Variants in XPO1 observed in about 807,000 individuals in gnomAD.
XPO1 encodes the protein exportin 1.
A neutral mutation model predicts 133.3 loss-of-function variants in XPO1; 5 were observed. The ratio of observed to expected loss-of-function variants is 0.04; its 90% CI spans 0.02 to 0.08. The LOEUF is 0.08. Among genes scored for constraint, XPO1 ranks in the 10% least tolerant of loss-of-function variants. The probability of loss-of-function intolerance (pLI) is 1.00; values close to 1 mark genes in which losing one functional copy is unlikely to be tolerated. For missense variants in XPO1, 506 were observed against 1,267.5 expected (o/e 0.40, Z 9.12); for synonymous variants, 419 against 408.2 (o/e 1.03, Z -0.32).
chr2:61,506,023 G>A (rs1697792757), intron 4 of XPO1, among the ~76,000 whole-genome samples: 1 of 152,142 alleles, frequency 6.6e-6, no homozygotes. Flanking sequence ...AACTGTGATT[G>A]CCTAGTACAA....
Position 61,492,955 on chromosome 2 carries a change from T to C in XPO1, c.1344A>G (p.Thr448=). 6.2e-7 allele frequency: 1 copy of C among 1,610,340 alleles called. No homozygotes were observed. Among genetic ancestry groups the C allele is most frequent in the Non-Finnish European group, 8.5e-7 (1 of 1,178,892 alleles). Residue 448 remains threonine (T), a synonymous_variant, in exon 13 of 25, where the codon ACA becomes ACG. Transcript: ENST00000401558. This position sits in a 1 kb window ranked among gnomAD's most constrained non-coding sequence, Gnocchi z 5.6. ...TATTCTTATACAAATTTATGGAATC[T>C]GTATCCTTCATGAATTCTCTCACAA... is the stretch of plus-strand genomic sequence containing the variant. ...GEVVREFMKD[T]DSINLYKNMR...
chr2:61,533,738 CATA>C (rs778149194), intron 2 of XPO1, 31 bp downstream of exon 2: 5 of 1,542,456 alleles, frequency 3.2e-6, no homozygotes, highest in South Asian at 1.3e-5. Context: ...GTTACACTGT[CATA>C]ATGTTATAAA....
intron 4 of XPO1, among the ~76,000 whole-genome samples, chr2:61,510,599 T>G (rs1297504461): frequency 6.6e-6 from 1 of 152,130 alleles, no homozygotes; most frequent in South Asian, 2.1e-4. Context: ...TCTAAAAGAT[T>G]AAAATTTTAT....
At chr2:61,482,618 T>C in intron 22 of XPO1, 79 bp from the exon 23 acceptor site, 1 of 1,318,958 alleles carries the variant, frequency 7.6e-7, no homozygotes, top group Non-Finnish European at 1.0e-6. Flanking sequence ...TTTTGTTTTT[T>C]TTTTTTAGAC....
At chr2:61,506,852 T>C (rs925228475) in intron 4 of XPO1, among the ~76,000 whole-genome samples, 3 of 152,084 alleles carry the variant, frequency 2.0e-5, no homozygotes, top group African/African-American at 4.8e-5. Flanking sequence ...TTAGTGGGTC[T>C]CAGTTGCAAA....
At chr2:61,534,907 T>C (rs1558686303) in intron 1 of XPO1, among the ~76,000 whole-genome samples, 1 of 152,138 alleles carries the variant, frequency 6.6e-6, no homozygotes. Context: ...ACATATTTAC[T>C]GAATATATGA....
intron 11 of XPO1, chr2:61,494,359 C>A (rs761944106): frequency 7.9e-5 from 26 of 329,434 alleles, no homozygotes; most frequent in Non-Finnish European, 1.4e-4. Flanking sequence ...ATTTAAAAGG[C>A]CTTGGGTGCC....
At chr2:61,481,865 A>T (rs937387272) in intron 23 of XPO1, among the ~76,000 whole-genome samples, 3 of 151,710 alleles carry the variant, frequency 2.0e-5, no homozygotes, top group African/African-American at 7.3e-5. Flanking sequence ...CCTCCCAAGT[A>T]GCTGGGATTT....
intron 24 of XPO1, 78 bp from the exon 25 acceptor site, chr2:61,479,044 C>CT: frequency 6.6e-7 from 1 of 1,518,864 alleles, no homozygotes; most frequent in Non-Finnish European, 8.9e-7. Flanking sequence ...GAGCAATTTC[C>CT]TTTTTAGAGA....
rs1558638146 is a variant in XPO1, at chr2:61,491,489, CA to C, written c.1887+545del. ...ACACACACACACACACACACACACACACACACACCCCAAAACAAAACAAAAC... is the reference window on the plus strand; with the variant it reads ...ACACACACACACACACACACACACACCACACACCCCAAAACAAAACAAAAC... On this transcript the variant is annotated intron_variant, in intron 16 of 24. Transcript: ENST00000401558. Among the ~76,000 whole-genome samples the C allele has an allele frequency of 6.2e-4, 94 of 151,250 alleles. 1 individual carries two copies. The highest frequency in any genetic ancestry group is 1.9e-3 in the African/African-American group (78 of 41,264).
chr2:61,512,995 T>A (rs923066493), intron 4 of XPO1, among the ~76,000 whole-genome samples: 1 of 152,108 alleles, frequency 6.6e-6, no homozygotes, highest in African/African-American at 2.4e-5. Context: ...CATGACTCTG[T>A]CTCAAATAAA....
intron 2 of XPO1, among the ~76,000 whole-genome samples, chr2:61,528,310 G>A (rs553658138): frequency 9.2e-5 from 14 of 152,036 alleles, no homozygotes; most frequent in Middle Eastern, 3.4e-3. Flanking sequence ...AGGGTTGTAC[G>A]GCTACCAAAT....
At chr2:61,500,591 A>AAAAAC (rs2104512421) in intron 6 of XPO1, among the ~76,000 whole-genome samples, 1 of 147,180 alleles carries the variant, frequency 6.8e-6, no homozygotes, top group South Asian at 2.1e-4. Context: ...AAAAAAAAAA[A>AAAAAC]AAAAAAAGAG....
At chr2:61,535,332 G>A (rs1372460164) in intron 1 of XPO1, among the ~76,000 whole-genome samples, 1 of 152,114 alleles carries the variant, frequency 6.6e-6, no homozygotes, top group East Asian at 1.9e-4. Flanking sequence ...TACAATTATA[G>A]AGGATTCAGG....
intron 1 of XPO1, 139 bp from the exon 2 acceptor site, chr2:61,534,042 A>G: frequency 1.2e-6 from 1 of 800,340 alleles, no homozygotes; most frequent in Non-Finnish European, 1.7e-6. Context: ...CAGAAAACTG[A>G]GATAGTAAAA....
chr2:61,485,921 G>C lies in XPO1; in HGVS notation c.2355C>G (p.Leu785=), dbSNP rs1402160167. The C allele has an allele frequency of 6.2e-7, 1 of 1,613,882 alleles. No individual in the cohort carries two copies. Among genetic ancestry groups the C allele is most frequent in the East Asian group, 2.2e-5 (1 of 44,858 alleles). ...NFVPPLLDAV[L]IDYQRNVPAA... is the part of the protein sequence containing the mutation. ...CTGGGACATTTCTCTGATAATCAAT[G>C]AGAACTGCATCCAACAGAGGGGGAA... Residue 785 remains leucine, a synonymous_variant, in exon 20 of 25, where the codon CTC becomes CTG. Coordinates refer to ENST00000401558, the MANE Select transcript of XPO1 (RefSeq NM_003400.4).
chr2:61,485,481 C>A lies in XPO1; in HGVS notation c.2508+287G>T, dbSNP rs370552564. The A allele has an allele frequency of 4.8e-5, 8 of 166,992 alleles. 2 individuals carry two copies. Among genetic ancestry groups the A allele is most frequent in the East Asian group, 3.1e-4 (2 of 6,378 alleles). The allele number at this position is 166,992 out of a possible 1,614,324, so 10.3% of individuals were successfully genotyped here. ...ACTCCCAGGCTCAAGTGACCCCCCC[C>A]CCCACTTCAGCCTTTCGAGTAGTTG... On this transcript the variant is annotated intron_variant, in intron 20 of 24. Transcript: ENST00000401558.
intron 4 of XPO1, among the ~76,000 whole-genome samples, chr2:61,515,337 G>A (rs1698317155): frequency 6.6e-6 from 1 of 152,118 alleles, no homozygotes; most frequent in African/African-American, 2.4e-5. Context: ...AATACTACAG[G>A]AGATCTTCAG....
chr2:61,485,539 C>G, intron 20 of XPO1: 1 of 185,450 alleles, frequency 5.4e-6, no homozygotes, highest in Non-Finnish European at 1.1e-5. Context: ...TGACTGGTTA[C>G]TTTTTGAACT....
Sources: gnomAD v4.1 joint callset for allele counts (sites outside exome capture counted in the v4.1 genomes callset) on GRCh38, gnomAD v4.1.1 for gene constraint, Gnocchi (gnomAD v3.1) non-coding constraint, MANE v1.5 for transcripts, NCBI Gene and HGNC (gene_info 2026-07-23, HGNC 2026-07-21) for gene names.